Variants in SYBU observed in about 807,000 individuals in gnomAD.
SYBU encodes GOLSYN A protein.
SYBU carries 21 observed loss-of-function variants against 35.9 expected under a neutral mutation model. That is an observed-to-expected ratio of 0.58 (90% confidence interval 0.41 to 0.84). The LOEUF (loss-of-function observed/expected upper bound fraction) is 0.84. Among genes scored for constraint, SYBU ranks in the 40% least tolerant of loss-of-function variants. The probability of loss-of-function intolerance (pLI) is 0.00; values close to 1 mark genes in which losing one functional copy is unlikely to be tolerated. For missense variants in SYBU, 768 were observed against 848.2 expected (o/e 0.91, Z 1.17); for synonymous variants, 319 against 324.3 (o/e 0.98, Z 0.18).
chr8:109,574,837 G>A lies in SYBU; in HGVS notation c.*69C>T. On this transcript the variant is annotated 3_prime_UTR_variant, in exon 7 of 7. Coordinates refer to ENST00000276646, the MANE Select transcript of SYBU (RefSeq NM_001099754.2). ...AGAATAGAGACTGTCACAGATGATT[G>A]ACTTCCTGTTTCTCTACCTGGCACA... 1 of 1,458,820 alleles carries A rather than the reference G, an allele frequency of 6.9e-7. No individual in the cohort carries two copies. The highest frequency in any genetic ancestry group is 9.2e-7 in the Non-Finnish European group (1 of 1,092,126). 90.4% of individuals were successfully genotyped at this position (1,458,820 alleles called of 1,614,324 possible).
intron 6 of SYBU, among the ~76,000 whole-genome samples, chr8:109,576,379 T>C (rs962063900): frequency 2.6e-5 from 4 of 152,234 alleles, no homozygotes. Context: ...TGCACTGTGT[T>C]ACAAGTCTTA....
At chr8:109,629,417 T>A (rs1043416675) in intron 2 of SYBU, among the ~76,000 whole-genome samples, 1 of 152,212 alleles carries the variant, frequency 6.6e-6, no homozygotes, top group African/African-American at 2.4e-5. Context: ...ACTGTTGTCA[T>A]CCTGATTGGC....
intron 3 of SYBU, among the ~76,000 whole-genome samples, chr8:109,594,547 T>C (rs1190393758): frequency 6.6e-6 from 1 of 152,180 alleles, no homozygotes; most frequent in Admixed American, 6.5e-5. Context: ...TGGCTTTTCT[T>C]AATTGACTCT....
chr8:109,689,832 G>GAAAAAA (rs544879954), intron 1 of SYBU, among the ~76,000 whole-genome samples: 2 of 102,716 alleles, frequency 1.9e-5, no homozygotes, highest in African/African-American at 3.6e-5. Flanking sequence ...ACTACAATAT[G>GAAAAAA]AAAAAAAAAA....
intron 1 of SYBU, chr8:109,643,182 C>T: frequency 1.7e-6 from 2 of 1,165,838 alleles, no homozygotes; most frequent in Non-Finnish European, 2.1e-6. Context: ...CATATACACA[C>T]CTCCACTCAC....
intron 6 of SYBU, among the ~76,000 whole-genome samples, chr8:109,577,660 T>G (rs1485308527): frequency 6.6e-6 from 1 of 152,132 alleles, no homozygotes; most frequent in Non-Finnish European, 1.5e-5. Flanking sequence ...AAGGTTCCCC[T>G]CTAACCTACG....
intron 3 of SYBU, among the ~76,000 whole-genome samples, chr8:109,591,828 A>G (rs575788486): frequency 6.6e-6 from 1 of 152,072 alleles, no homozygotes; most frequent in Non-Finnish European, 1.5e-5. Context: ...GTAAATTTTT[A>G]AGGGAAATTT....
chr8:109,673,503 A>G (rs778321415), intron 1 of SYBU, among the ~76,000 whole-genome samples: 18 of 152,182 alleles, frequency 1.2e-4, no homozygotes, highest in South Asian at 8.3e-4. Flanking sequence ...AACATAAAGA[A>G]CATCCACACA....
intron 2 of SYBU, among the ~76,000 whole-genome samples, chr8:109,627,589 A>G (rs1007792891): frequency 1.3e-5 from 2 of 152,206 alleles, no homozygotes; most frequent in African/African-American, 4.8e-5. Context: ...CTGCTGGGCA[A>G]TTGACTCAGG....
chr8:109,658,330 A>G (rs1816432829), intron 1 of SYBU, among the ~76,000 whole-genome samples: 1 of 152,254 alleles, frequency 6.6e-6, no homozygotes, highest in African/African-American at 2.4e-5. Flanking sequence ...TTTTTCTGCT[A>G]TAATGAATGC....
intron 3 of SYBU, among the ~76,000 whole-genome samples, chr8:109,590,739 C>A (rs1321852120): frequency 6.8e-6 from 1 of 147,250 alleles, no homozygotes. Context: ...GGTTAATCTC[C>A]TTAATTTACC....
chr8:109,631,847 T>A (rs1436107126), intron 2 of SYBU, among the ~76,000 whole-genome samples: 1 of 152,196 alleles, frequency 6.6e-6, no homozygotes, highest in Non-Finnish European at 1.5e-5. Flanking sequence ...AAAATAGGCA[T>A]GTTACAAATC....
intron 2 of SYBU, among the ~76,000 whole-genome samples, chr8:109,641,748 G>A (rs1248333189): frequency 6.6e-6 from 1 of 152,202 alleles, no homozygotes; most frequent in African/African-American, 2.4e-5. Flanking sequence ...ATTTAACAAA[G>A]GAATGCATCT....
At chr8:109,670,827 G>A (rs1816952320) in intron 1 of SYBU, among the ~76,000 whole-genome samples, 1 of 152,024 alleles carries the variant, frequency 6.6e-6, no homozygotes, top group Non-Finnish European at 1.5e-5. Flanking sequence ...AATTCTAGGA[G>A]TATAATTTAA....
At chr8:109,620,908 CA>C (rs1259760149) in intron 2 of SYBU, among the ~76,000 whole-genome samples, 2 of 152,180 alleles carry the variant, frequency 1.3e-5, no homozygotes, top group African/African-American at 2.4e-5. Flanking sequence ...AGCAATTTTA[CA>C]AGGCACAACA....
chr8:109,673,354 CT>C (rs1817060624), intron 1 of SYBU, among the ~76,000 whole-genome samples: 2 of 152,218 alleles, frequency 1.3e-5, no homozygotes, highest in South Asian at 4.1e-4. Flanking sequence ...GCAATCTTTG[CT>C]GTTCTGCAGC....
At chr8:109,601,830 G>A (rs1825563172) in intron 3 of SYBU, among the ~76,000 whole-genome samples, 2 of 152,176 alleles carry the variant, frequency 1.3e-5, no homozygotes, top group South Asian at 4.1e-4. Flanking sequence ...CCAAAAAGGT[G>A]AGTTGTAACC....
intron 4 of SYBU, among the ~76,000 whole-genome samples, chr8:109,582,197 C>T (rs1484491073): frequency 6.6e-6 from 1 of 152,128 alleles, no homozygotes; most frequent in Non-Finnish European, 1.5e-5. Context: ...CTTCTGTGAC[C>T]CTGGCGCTGT....
At chr8:109,585,926 AAAAAC>A (rs1823561528) in intron 4 of SYBU, 129 bp downstream of exon 4, 1 of 669,138 alleles carries the variant, frequency 1.5e-6, no homozygotes, top group East Asian at 2.8e-5. Flanking sequence ...ATCACTGTAA[AAAAAC>A]AAAACAAAAA....
Sources: gnomAD v4.1 joint callset for allele counts (sites outside exome capture counted in the v4.1 genomes callset) on GRCh38, gnomAD v4.1.1 for gene constraint, MANE v1.5 for transcripts, NCBI Gene and HGNC (gene_info 2026-07-23, HGNC 2026-07-21) for gene names.